Variants in THEMIS observed in about 807,000 individuals in gnomAD.
THEMIS encodes protein THEMIS.
A neutral mutation model predicts 52.6 loss-of-function variants in THEMIS; 37 were observed. That is an observed-to-expected ratio of 0.70 (90% CI 0.54 to 0.93). The LOEUF (loss-of-function observed/expected upper bound fraction) is 0.93. THEMIS is among the 40% of genes least tolerant of loss of function. The pLI is 0.00. For missense variants in THEMIS, 808 were observed against 763.1 expected (o/e 1.06, Z -0.69); for synonymous variants, 292 against 272.7 (o/e 1.07, Z -0.70).
At chr6:127,849,425 A>C (rs188957081) in intron 2 of THEMIS, among the ~76,000 whole-genome samples, 170 of 151,940 alleles carry the variant, frequency 1.1e-3, no homozygotes, top group African/African-American at 3.9e-3. Flanking sequence ...TTTTGGTACC[A>C]TATGAACTTT....
downstream of THEMIS, among the ~76,000 whole-genome samples, chr6:127,707,829 G>A (rs540868430): frequency 3.4e-4 from 52 of 152,222 alleles, no homozygotes; most frequent in African/African-American, 1.2e-3. Flanking sequence ...GGATGTAAGA[G>A]TTGAGCTAGC....
chr6:127,710,342 G>A (rs890534833), intron 5 of THEMIS, among the ~76,000 whole-genome samples: 1 of 151,914 alleles, frequency 6.6e-6, no homozygotes, highest in African/African-American at 2.4e-5. Flanking sequence ...GGTAATGTAA[G>A]GTAGAAAACT....
chr6:127,916,668 T>A (rs1781533964), intron 1 of THEMIS, among the ~76,000 whole-genome samples: 1 of 152,244 alleles, frequency 6.6e-6, no homozygotes. Flanking sequence ...GAATTACTGC[T>A]TGCTGTGCTG....
intron 1 of THEMIS, among the ~76,000 whole-genome samples, chr6:127,855,858 T>C (rs1562303048): frequency 6.6e-6 from 1 of 151,958 alleles, no homozygotes; most frequent in Non-Finnish European, 1.5e-5. Context: ...TAAGTTTTCA[T>C]TCACTTATTT....
chr6:127,776,805 T>C (rs1776581842), intron 4 of THEMIS, among the ~76,000 whole-genome samples: 1 of 152,248 alleles, frequency 6.6e-6, no homozygotes, highest in Non-Finnish European at 1.5e-5. Context: ...TGTTTATTTG[T>C]TTACATTAAT....
At chr6:127,739,793 T>C (rs1205096635) in intron 4 of THEMIS, among the ~76,000 whole-genome samples, 1 of 152,202 alleles carries the variant, frequency 6.6e-6, no homozygotes, top group Non-Finnish European at 1.5e-5. Context: ...GTGGCAAGCA[T>C]GTCACTTAAA....
At chr6:127,790,476 T>C (rs1777119597) in intron 4 of THEMIS, among the ~76,000 whole-genome samples, 1 of 152,220 alleles carries the variant, frequency 6.6e-6, no homozygotes, top group African/African-American at 2.4e-5. Flanking sequence ...TAAATTATCT[T>C]TTATGTGAGG....
intron 1 of THEMIS, among the ~76,000 whole-genome samples, chr6:127,868,886 A>G (rs1322916122): frequency 6.6e-6 from 1 of 152,168 alleles, no homozygotes; most frequent in African/African-American, 2.4e-5. Flanking sequence ...AATTAATTAA[A>G]TATATGATAT....
At chr6:127,895,182 T>C (rs895674112) in intron 1 of THEMIS, among the ~76,000 whole-genome samples, 1 of 151,190 alleles carries the variant, frequency 6.6e-6, no homozygotes, top group Admixed American at 6.6e-5. Flanking sequence ...ACTTCCTTAG[T>C]TGAGTAAAGG....
intron 4 of THEMIS, among the ~76,000 whole-genome samples, chr6:127,769,184 A>C (rs1776293672): frequency 6.6e-6 from 1 of 152,218 alleles, no homozygotes; most frequent in South Asian, 2.1e-4. Context: ...AGAAAGAAAC[A>C]GACTTTAATC....
chr6:127,901,519 A>G (rs1206575063), upstream of THEMIS, among the ~76,000 whole-genome samples: 1 of 152,062 alleles, frequency 6.6e-6, no homozygotes, highest in Non-Finnish European at 1.5e-5. Flanking sequence ...TACTCTGGAG[A>G]GAGTATTGAA....
intron 1 of THEMIS, among the ~76,000 whole-genome samples, chr6:127,862,205 A>C (rs1779825839): frequency 6.6e-6 from 1 of 152,142 alleles, no homozygotes; most frequent in Non-Finnish European, 1.5e-5. Flanking sequence ...TCTCAATGAC[A>C]CAGCAGCCTG....
the THEMIS span, among the ~76,000 whole-genome samples, chr6:127,702,068 T>C: frequency 6.6e-6 from 1 of 152,170 alleles, no homozygotes; most frequent in African/African-American, 2.4e-5. Context: ...ACCCTTTAGA[T>C]ATCCTTTTAC....
At chr6:127,865,422 C>T (rs1169927570) in intron 1 of THEMIS, among the ~76,000 whole-genome samples, 1 of 152,044 alleles carries the variant, frequency 6.6e-6, no homozygotes, top group Non-Finnish European at 1.5e-5. Flanking sequence ...TGAGTTAACC[C>T]TTTACTAAAT....
chr6:127,706,273 G>T (rs910361813), downstream of THEMIS, among the ~76,000 whole-genome samples: 3 of 151,878 alleles, frequency 2.0e-5, no homozygotes, highest in Non-Finnish European at 4.4e-5. Flanking sequence ...CTCAGACAAA[G>T]CTCCAAGCAC....
chr6:127,833,141 A>T (rs1344126302), intron 2 of THEMIS, among the ~76,000 whole-genome samples: 1 of 151,170 alleles, frequency 6.6e-6, no homozygotes, highest in African/African-American at 2.4e-5. Context: ...ATTGTTCATT[A>T]AAAAAAACAC....
chr6:127,770,399 C>A (rs1776343935), intron 4 of THEMIS, among the ~76,000 whole-genome samples: 1 of 152,022 alleles, frequency 6.6e-6, no homozygotes. Flanking sequence ...TTTCATGTGT[C>A]TTTTGGTTGC....
chr6:127,795,042 T>C (rs1777281438), intron 4 of THEMIS, among the ~76,000 whole-genome samples: 1 of 152,208 alleles, frequency 6.6e-6, no homozygotes, highest in Non-Finnish European at 1.5e-5. Context: ...ATCTTTGGTT[T>C]TATTCAGATG....
In THEMIS at chr6:127,804,584, A is replaced by G. The variant is rs565007466; in HGVS notation, c.1758+8299T>C. On this transcript the variant is annotated intron_variant, in intron 4 of 5. Coordinates refer to ENST00000368248, the MANE Select transcript of THEMIS (RefSeq NM_001010923.3). ...ATCATAGACCTTTGGATATTTTATT[A>G]TTGAACACAAGATGTCTGACAACAT... 2.0e-5 allele frequency among the ~76,000 whole-genome samples: 3 copies of G among 152,296 alleles called. No homozygotes were observed. In the East Asian group the frequency reaches 5.8e-4, roughly 29 times the overall value.
Sources: allele counts gnomAD v4.1 joint callset (sites outside exome capture counted in the v4.1 genomes callset), GRCh38; gene constraint gnomAD v4.1.1; transcripts MANE v1.5; gene names NCBI Gene and HGNC (gene_info 2026-07-23, HGNC 2026-07-21).